KHDRBS2: variants seen among roughly 807,000 people sequenced by gnomAD.
KHDRBS2 encodes KH domain-containing, RNA-binding, signal transduction-associated protein 2.
KHDRBS2 carries 26 observed loss-of-function variants against 44.3 expected under a neutral mutation model. The observed-to-expected ratio is 0.59, with a 90% CI of 0.43 to 0.81. The LOEUF is 0.81. Among genes scored for constraint, KHDRBS2 ranks in the 40% least tolerant of loss-of-function variants. The pLI is 0.00. For synonymous variants in KHDRBS2, 194 were observed against 151.1 expected (o/e 1.28, Z -2.08); for missense variants, 476 against 433.1 (o/e 1.10, Z -0.88).
At chr6:61,599,864 A>G in the KHDRBS2 span, among the ~76,000 whole-genome samples, 5 of 152,210 alleles carry the variant, frequency 3.3e-5, no homozygotes, top group Admixed American at 6.5e-5. Context: ...ACCAGTAAAG[A>G]GTGCTGCCAC....
chr6:61,642,594 G>C, the KHDRBS2 span, among the ~76,000 whole-genome samples: 1 of 150,550 alleles, frequency 6.6e-6, no homozygotes, highest in African/African-American at 2.4e-5. Flanking sequence ...CCTGGGAGCA[G>C]AGGTTGCAGT....
intron 6 of KHDRBS2, among the ~76,000 whole-genome samples, chr6:61,874,144 A>C (rs1425621767): frequency 6.6e-6 from 1 of 152,094 alleles, no homozygotes; most frequent in Non-Finnish European, 1.5e-5. Flanking sequence ...TTTTTATATG[A>C]AATGCTAGAG....
At chr6:62,281,684 T>C (rs1242322326) in intron 1 of KHDRBS2, among the ~76,000 whole-genome samples, 2 of 152,084 alleles carry the variant, frequency 1.3e-5, no homozygotes, top group East Asian at 1.9e-4. Context: ...CAAGCAGAAG[T>C]TGTTTTTTGT....
intron 7 of KHDRBS2, among the ~76,000 whole-genome samples, chr6:61,720,697 G>T (rs961467783): frequency 1.1e-4 from 17 of 152,050 alleles, no homozygotes; most frequent in Admixed American, 2.6e-4. Flanking sequence ...TAGACGAGTA[G>T]GTTGCGAAAA....
the KHDRBS2 span, among the ~76,000 whole-genome samples, chr6:61,657,580 A>C: frequency 1.3e-5 from 2 of 151,948 alleles, no homozygotes; most frequent in Admixed American, 1.3e-4. Flanking sequence ...AACAGTGACA[A>C]AACAAACGTG....
chr6:61,858,923 T>A (rs1405297294), intron 6 of KHDRBS2, among the ~76,000 whole-genome samples: 4 of 151,888 alleles, frequency 2.6e-5, no homozygotes, highest in Admixed American at 1.3e-4. Flanking sequence ...GTATATATAT[T>A]GCAATTCATA....
At chr6:61,969,266 C>T (rs1770802894) in intron 4 of KHDRBS2, among the ~76,000 whole-genome samples, 1 of 152,008 alleles carries the variant, frequency 6.6e-6, no homozygotes, top group African/African-American at 2.4e-5. Flanking sequence ...TTGGTGAGGA[C>T]ATCATCTAGG....
At chr6:62,118,954 G>A (rs768316385) in intron 2 of KHDRBS2, among the ~76,000 whole-genome samples, 10 of 152,056 alleles carry the variant, frequency 6.6e-5, no homozygotes, top group Admixed American at 1.3e-4. Context: ...TTCACCTTGT[G>A]GTCATGTGAG....
At chr6:61,551,767 T>G in the KHDRBS2 span, among the ~76,000 whole-genome samples, 1 of 152,180 alleles carries the variant, frequency 6.6e-6, no homozygotes, top group African/African-American at 2.4e-5. Context: ...TACTGTAGCC[T>G]TGTAATATAG....
chr6:62,282,011 G>A (rs1024578455), intron 1 of KHDRBS2, among the ~76,000 whole-genome samples: 4 of 152,112 alleles, frequency 2.6e-5, no homozygotes, highest in East Asian at 1.9e-4. Context: ...AGGTGATTAC[G>A]TTAATCAAAA....
At chr6:62,078,017 T>C (rs1179178078) in intron 2 of KHDRBS2, among the ~76,000 whole-genome samples, 1 of 152,088 alleles carries the variant, frequency 6.6e-6, no homozygotes, top group Non-Finnish European at 1.5e-5. Flanking sequence ...AATGCACACG[T>C]AGCATCATTA....
chr6:61,939,851 C>T (rs1374649196), intron 4 of KHDRBS2, among the ~76,000 whole-genome samples: 1 of 152,092 alleles, frequency 6.6e-6, no homozygotes, highest in Non-Finnish European at 1.5e-5. Flanking sequence ...TTATAGATTT[C>T]CTATCAATCA....
At chr6:61,867,629 G>T (rs538730700) in intron 6 of KHDRBS2, among the ~76,000 whole-genome samples, 38 of 152,262 alleles carry the variant, frequency 2.5e-4, no homozygotes, top group African/African-American at 8.7e-4. Flanking sequence ...TTTGGATGGG[G>T]TTTTTTGTTT....
chr6:61,805,236 T>C (rs771461161), intron 6 of KHDRBS2, among the ~76,000 whole-genome samples: 17 of 152,172 alleles, frequency 1.1e-4, no homozygotes, highest in Non-Finnish European at 1.9e-4. Flanking sequence ...AGGGACAAAA[T>C]GCCACCAATT....
chr6:61,776,714 G>A (rs1456420599), intron 6 of KHDRBS2, among the ~76,000 whole-genome samples: 1 of 152,160 alleles, frequency 6.6e-6, no homozygotes. Context: ...TTCAACCATC[G>A]TGGAAGTCAG....
At chr6:61,578,236 C>T in the KHDRBS2 span, among the ~76,000 whole-genome samples, 41 of 152,224 alleles carry the variant, frequency 2.7e-4, no homozygotes, top group Admixed American at 9.8e-4. Context: ...AACCTAATAG[C>T]TCATTACTGG....
chr6:62,112,100 T>A (rs530721821), intron 2 of KHDRBS2, among the ~76,000 whole-genome samples: 1 of 152,224 alleles, frequency 6.6e-6, no homozygotes, highest in African/African-American at 2.4e-5. Context: ...CTTCTAAGTA[T>A]AAAGGCAAGG....
intron 6 of KHDRBS2, among the ~76,000 whole-genome samples, chr6:61,814,666 A>G (rs1248498039): frequency 1.3e-5 from 2 of 152,100 alleles, no homozygotes; most frequent in Non-Finnish European, 2.9e-5. Context: ...CACTTTACCC[A>G]AAGTTTAGAA....
chr6:62,155,998 C>G (rs1279217052), intron 2 of KHDRBS2, among the ~76,000 whole-genome samples: 1 of 152,256 alleles, frequency 6.6e-6, no homozygotes, highest in East Asian at 1.9e-4. Context: ...GCAGCAATTT[C>G]TCTGTCTAGT....
Sources: gnomAD v4.1 joint callset for allele counts (sites outside exome capture counted in the v4.1 genomes callset) on GRCh38, gnomAD v4.1.1 for gene constraint, MANE v1.5 for transcripts, NCBI Gene and HGNC (gene_info 2026-07-23, HGNC 2026-07-21) for gene names.